IL22RA2: variants seen among roughly 807,000 people sequenced by gnomAD.
IL22RA2 encodes the protein interleukin-22 receptor subunit alpha-2.
IL22RA2 carries 39 observed loss-of-function variants against 30.7 expected under a neutral mutation model. The ratio of observed to expected loss-of-function variants is 1.27; its 90% CI spans 0.98 to 1.66. The LOEUF (loss-of-function observed/expected upper bound fraction) is 1.66, where lower values mean the gene tolerates loss of function less well. IL22RA2 is among the 40% of genes most tolerant of loss of function. The pLI is 0.00. For missense variants in IL22RA2, 315 were observed against 312.7 expected (o/e 1.01, Z -0.05); for synonymous variants, 103 against 105.0 (o/e 0.98, Z 0.11).
chr6:137,150,879 T>C (rs1409757681), intron 5 of IL22RA2, among the ~76,000 whole-genome samples: 3 of 152,226 alleles, frequency 2.0e-5, no homozygotes, highest in Non-Finnish European at 4.4e-5. Context: ...ACCCTCCTGC[T>C]AATTAGAGAG....
At chr6:137,159,276 G>A (rs1204423780) in intron 2 of IL22RA2, among the ~76,000 whole-genome samples, 1 of 152,192 alleles carries the variant, frequency 6.6e-6, no homozygotes, top group East Asian at 1.9e-4. Context: ...AGGGTTCAAG[G>A]TTTTTTATAA....
chr6:137,145,584 C>A lies in IL22RA2; in HGVS notation c.*40G>T. The stretch of plus-strand genomic sequence containing the variant: ...CACGAGTCATCCTGTTCTCAGGGAG[C>A]TTTAGAATTTCCACATTGCTGAATG... On this transcript the variant is annotated 3_prime_UTR_variant, in exon 7 of 7. Transcript: ENST00000296980. 1.3e-6 allele frequency: 2 copies of A among 1,571,878 alleles called. No individual in the cohort carries two copies. The highest frequency in any genetic ancestry group is 1.2e-5 in the South Asian group (1 of 84,022).
At position 137,145,601 on chromosome 6, in the gene IL22RA2, T is replaced by G. The variant is rs369662984; in HGVS notation, c.*23A>C. 8 of 1,591,352 alleles carry G rather than the reference T, an allele frequency of 5.0e-6. No homozygotes were observed. In the Admixed American group the frequency reaches 1.4e-4, roughly 28 times the overall value. On this transcript the variant is annotated 3_prime_UTR_variant, in exon 7 of 7. Transcript: ENST00000296980. Reference sequence around the variant, plus strand: ...TCAGGGAGCTTTAGAATTTCCACATTGCTGAATGCCAAATTCCACAAGTCA... The same window carrying G: ...TCAGGGAGCTTTAGAATTTCCACATGGCTGAATGCCAAATTCCACAAGTCA...
At chr6:137,167,948 A>G (rs1478081773) in intron 1 of IL22RA2, among the ~76,000 whole-genome samples, 2 of 152,264 alleles carry the variant, frequency 1.3e-5, no homozygotes, top group African/African-American at 2.4e-5. Context: ...GTAAATGTAG[A>G]CTAAATTTAC....
chr6:137,149,466 A>G (rs1778243583), intron 5 of IL22RA2, among the ~76,000 whole-genome samples: 1 of 152,234 alleles, frequency 6.6e-6, no homozygotes, highest in African/African-American at 2.4e-5. Context: ...CAAGAAACTT[A>G]GAGGTCATCT....
intron 4 of IL22RA2, 73 bp from the exon 5 acceptor site, chr6:137,155,192 T>C (rs910390270): frequency 5.5e-6 from 6 of 1,085,416 alleles, no homozygotes; most frequent in Non-Finnish European, 7.9e-6. Context: ...TTCAGACTAA[T>C]AATTTTTTAT....
At chr6:137,161,625 A>G in intron 2 of IL22RA2, 64 bp downstream of exon 2, 4 of 1,394,282 alleles carry the variant, frequency 2.9e-6, no homozygotes, top group Non-Finnish European at 4.1e-6. Context: ...GCCATTTCCA[A>G]CAGATCCTTG....
At chr6:137,153,966 A>G (rs1164604002) in intron 5 of IL22RA2, among the ~76,000 whole-genome samples, 1 of 152,216 alleles carries the variant, frequency 6.6e-6, no homozygotes, top group Non-Finnish European at 1.5e-5. Flanking sequence ...TGCAATTATG[A>G]GGACTGTGGT....
intron 1 of IL22RA2, among the ~76,000 whole-genome samples, chr6:137,169,249 A>C (rs1350670483): frequency 6.6e-6 from 1 of 152,250 alleles, no homozygotes; most frequent in African/African-American, 2.4e-5. Flanking sequence ...AACAGAACAC[A>C]ATGGAGAAGC....
At chr6:137,147,599 A>C (rs571495858) in intron 6 of IL22RA2, 123 bp downstream of exon 6, 2 of 803,084 alleles carry the variant, frequency 2.5e-6, no homozygotes, top group Admixed American at 3.5e-5. Context: ...AGTAAGAAGA[A>C]ATTAAAGATA....
At chr6:137,158,012 C>T (rs12206656) in intron 3 of IL22RA2, among the ~76,000 whole-genome samples, 93 of 152,308 alleles carry the variant, frequency 6.1e-4, no homozygotes, top group Admixed American at 9.8e-4. Context: ...ACTGAGTACT[C>T]GCTATGTGCT....
At chr6:137,155,194 A>AT (rs1311283376) in intron 4 of IL22RA2, 75 bp from the exon 5 acceptor site, 3 of 1,090,228 alleles carry the variant, frequency 2.8e-6, no homozygotes, top group Non-Finnish European at 3.9e-6. Flanking sequence ...CAGACTAATA[A>AT]TTTTTTATAC....
intron 6 of IL22RA2, among the ~76,000 whole-genome samples, chr6:137,147,459 C>T (rs1441618191): frequency 6.6e-6 from 1 of 151,864 alleles, no homozygotes; most frequent in African/African-American, 2.4e-5. Context: ...CAGTCACATG[C>T]AATTAAATAC....
chr6:137,151,638 C>T (rs1778293764), intron 5 of IL22RA2, among the ~76,000 whole-genome samples: 1 of 152,122 alleles, frequency 6.6e-6, no homozygotes, highest in Admixed American at 6.5e-5. Context: ...GAGGAGCTAG[C>T]TGAGGATCAT....
In IL22RA2 at chr6:137,147,770, G is replaced by A; in HGVS notation, c.594C>T (p.Tyr198=). 1 of 1,599,776 alleles carries A rather than the reference G, an allele frequency of 6.3e-7. No homozygotes were observed. The highest frequency in any genetic ancestry group is 1.1e-5 in the South Asian group (1 of 90,410). The change falls in exon 6 of 7, where the codon TAC becomes TAT. Residue 198 remains tyrosine, a synonymous_variant. Transcript: ENST00000296980. ...TAAAAACTCGGTATAGTAGTTCATA[G>A]TAATCTTCTATAGATACATTTTTTT... is the stretch of plus-strand genomic sequence containing the variant. ...QKEKNVSIED[Y]YELLYRVFII...
intron 5 of IL22RA2, among the ~76,000 whole-genome samples, chr6:137,152,890 C>A (rs554299557): frequency 2.0e-5 from 3 of 152,112 alleles, no homozygotes; most frequent in African/African-American, 7.2e-5. Flanking sequence ...TGCAGAGTGT[C>A]CAACTTTCCA....
chr6:137,156,108 G>T (rs1778401062), intron 4 of IL22RA2, among the ~76,000 whole-genome samples: 1 of 152,138 alleles, frequency 6.6e-6, no homozygotes, highest in African/African-American at 2.4e-5. Context: ...AGAGGGGGAG[G>T]GAATCCCATG....
Position 137,145,497 on chromosome 6 carries a change from G to A in IL22RA2, c.*127C>T, listed in dbSNP as rs1778159170. 2.7e-5 allele frequency: 20 copies of A among 736,750 alleles called. No homozygotes were observed. The South Asian group carries it at 4.6e-4, about 17-fold the overall frequency. The allele number at this position is 736,750 out of a possible 1,614,324, so 45.6% of individuals were successfully genotyped here. ...AATGGATAAACAAAGAAGTCCCCAA[G>A]GTGTAACAGTGAATATTGCTTTAAG... is the stretch of plus-strand genomic sequence containing the variant. On this transcript the variant is annotated 3_prime_UTR_variant, in exon 7 of 7. Transcript: ENST00000296980.
intron 4 of IL22RA2, among the ~76,000 whole-genome samples, chr6:137,155,708 G>A (rs1778391799): frequency 6.6e-6 from 1 of 152,022 alleles, no homozygotes; most frequent in African/African-American, 2.4e-5. Flanking sequence ...TCCAACACAT[G>A]AACTTTTGGG....
Sources: gnomAD v4.1 joint callset for allele counts (sites outside exome capture counted in the v4.1 genomes callset) on GRCh38, gnomAD v4.1.1 for gene constraint, MANE v1.5 for transcripts, NCBI Gene and HGNC (gene_info 2026-07-23, HGNC 2026-07-21) for gene names.